HDAC4: variants seen among roughly 807,000 people sequenced by gnomAD.
HDAC4 encodes histone deacetylase 4.
Under a neutral mutation model 135.1 loss-of-function variants are expected in HDAC4, and 16 were observed. That is an observed-to-expected ratio of 0.12 (90% confidence interval 0.08 to 0.18). HDAC4 has a LOEUF of 0.18. HDAC4 is among the 10% of genes least tolerant of loss of function. The pLI, the probability that HDAC4 is intolerant of heterozygous loss-of-function variation, is 1.00. For missense variants in HDAC4, 1,143 were observed against 1,511.8 expected (o/e 0.76, Z 4.05); for synonymous variants, 685 against 653.4 (o/e 1.05, Z -0.74).
In HDAC4 at chr2:239,127,046, G is replaced by A. The variant is rs541721227; in HGVS notation, c.1295-352C>T. Reference sequence around the variant, plus strand: ...GGGGGCCACAGGCCCTAGAAAAGTGGGTTTTGGTCTGAACAGCACGGTGGG... The same window carrying A: ...GGGGGCCACAGGCCCTAGAAAAGTGAGTTTTGGTCTGAACAGCACGGTGGG... On this transcript the variant is annotated intron_variant, in intron 11 of 26. Transcript: ENST00000543185. Among the ~76,000 whole-genome samples, 19 of 152,114 alleles carry A rather than the reference G, an allele frequency of 1.2e-4. No homozygotes were observed. The East Asian group carries it at 2.9e-3, about 23-fold the overall frequency.
chr2:239,149,538 G>A (rs1023588469), intron 7 of HDAC4, among the ~76,000 whole-genome samples: 4 of 152,086 alleles, frequency 2.6e-5, no homozygotes, highest in East Asian at 1.9e-4. Context: ...ACAGGTGAAC[G>A]CACTGCCGCT....
At chr2:239,231,807 C>T (rs13411581) in intron 3 of HDAC4, among the ~76,000 whole-genome samples, 10 of 60,220 alleles carry the variant, frequency 1.7e-4, no homozygotes, top group Admixed American at 1.4e-3. Context: ...TCAACCGAGG[C>T]TGCTGAGCAC....
chr2:239,141,836 G>A lies in HDAC4; in HGVS notation c.866-2040C>T, dbSNP rs1291214327. The stretch of plus-strand genomic sequence containing the variant: ...ACTTTCCACCCACTTTTAACTCAAC[G>A]AGGTTAATTTTATTTTTTTGCATTC... On this transcript the variant is annotated intron_variant, in intron 8 of 26. Coordinates refer to ENST00000543185, the MANE Select transcript of HDAC4 (RefSeq NM_001378414.1). The surrounding 1 kb of genome is among the most constrained non-coding windows in gnomAD (Gnocchi z 4.9). Among the ~76,000 whole-genome samples the A allele has an allele frequency of 6.6e-6, 1 of 152,176 alleles. No individual in the cohort carries two copies. Among genetic ancestry groups the A allele is most frequent in the African/African-American group, 2.4e-5 (1 of 41,456 alleles).
At chr2:239,236,103 C>G (rs576113601) in intron 3 of HDAC4, among the ~76,000 whole-genome samples, 8 of 152,192 alleles carry the variant, frequency 5.3e-5, no homozygotes, top group Non-Finnish European at 5.9e-5. Flanking sequence ...TGATCACCAC[C>G]GATACTTTTT....
intron 1 of HDAC4, among the ~76,000 whole-genome samples, chr2:239,383,488 CG>C (rs1479256607): frequency 3.3e-5 from 5 of 152,182 alleles, no homozygotes; most frequent in Non-Finnish European, 7.3e-5. Context: ...AGCACTCAGC[CG>C]GAACAGGTGC....
chr2:239,368,855 A>C (rs1694403949), intron 1 of HDAC4, among the ~76,000 whole-genome samples: 1 of 151,854 alleles, frequency 6.6e-6, no homozygotes, highest in Non-Finnish European at 1.5e-5. Context: ...TTCCTCCCCA[A>C]CTCTACTCAA....
At chr2:239,370,715 G>A (rs543170833) in intron 1 of HDAC4, among the ~76,000 whole-genome samples, 53 of 152,344 alleles carry the variant, frequency 3.5e-4, no homozygotes, top group Admixed American at 2.4e-3. Flanking sequence ...GCAGCCCTGC[G>A]GCGCCTGGAG....
intron 5 of HDAC4, among the ~76,000 whole-genome samples, chr2:239,175,166 T>C (rs888241768): frequency 6.6e-6 from 1 of 152,312 alleles, no homozygotes. Context: ...ACTCGGAGTG[T>C]CTATGAAAGT....
intron 7 of HDAC4, among the ~76,000 whole-genome samples, chr2:239,153,785 GTTGGAGAC>G (rs2042257741): frequency 1.3e-5 from 2 of 152,240 alleles, no homozygotes; most frequent in South Asian, 4.1e-4. Flanking sequence ...AGTAGAAGGT[GTTGGAGAC>G]TTTGCTTCCA....
chr2:239,158,926 GCACATCA>G (rs1002802828), intron 6 of HDAC4, among the ~76,000 whole-genome samples: 2 of 151,784 alleles, frequency 1.3e-5, no homozygotes, highest in African/African-American at 4.8e-5. Flanking sequence ...ACTCACATCC[GCACATCA>G]CACAACTGGT....
chr2:239,081,005 G>T, intron 22 of HDAC4, 90 bp downstream of exon 22: 1 of 1,001,884 alleles, frequency 1.0e-6, no homozygotes. Flanking sequence ...ACCAGTTTCA[G>T]ACACGCTCAT....
At chr2:239,074,115 G>A (rs950789840) in intron 22 of HDAC4, among the ~76,000 whole-genome samples, 15 of 151,842 alleles carry the variant, frequency 9.9e-5, no homozygotes, top group Non-Finnish European at 1.5e-4. Context: ...TGAGGGGGCC[G>A]CCCTCTGCTT....
In HDAC4 at chr2:239,148,509, A is replaced by T. The variant is rs910633956; in HGVS notation, c.734-3795T>A. Among the ~76,000 whole-genome samples the T allele has an allele frequency of 5.3e-5, 8 of 152,164 alleles. No homozygotes were observed. In the East Asian group the frequency reaches 1.5e-3, roughly 29 times the overall value. ...CCCAAACTGCTTCAGAGCTCTGGGG[A>T]CAAAGGCTCGGCCTTGAGAACAGTT... On this transcript the variant is annotated intron_variant, in intron 7 of 26. Transcript: ENST00000543185.
At chr2:239,140,106 C>T (rs1368509306) in intron 8 of HDAC4, among the ~76,000 whole-genome samples, 1 of 152,204 alleles carries the variant, frequency 6.6e-6, no homozygotes. Context: ...AGTGACCTAA[C>T]AACAGAAGAC....
At chr2:239,108,205 A>G in intron 14 of HDAC4, 22 bp from the exon 15 acceptor site, 1 of 1,586,602 alleles carries the variant, frequency 6.3e-7, no homozygotes, top group Non-Finnish European at 8.6e-7. Flanking sequence ...CAGAGGGGCC[A>G]AGATCAGCGC....
At chr2:239,280,967 T>TCCAC (rs1474415622) in intron 2 of HDAC4, among the ~76,000 whole-genome samples, 3 of 108,948 alleles carry the variant, frequency 2.8e-5, no homozygotes, top group African/African-American at 3.6e-5. Flanking sequence ...CACACCACTC[T>TCCAC]ACAATGAACA....
At chr2:239,070,732 A>T (rs771481777) in intron 22 of HDAC4, among the ~76,000 whole-genome samples, 13 of 152,228 alleles carry the variant, frequency 8.5e-5, no homozygotes, top group Admixed American at 3.9e-4. Context: ...AGGACGGTGG[A>T]ACAGAAGTGG....
chr2:239,285,343 T>C lies in HDAC4; in HGVS notation c.23-48679A>G, dbSNP rs1041662474. 6.6e-6 allele frequency among the ~76,000 whole-genome samples: 1 copy of C among 152,098 alleles called. No individual in the cohort carries two copies. The highest frequency in any genetic ancestry group is 2.4e-5 in the African/African-American group (1 of 41,428). ...CCCCCAAGTTCGCGGCTGTGCAGCG[T>C]GGCCAGAATGCTGAGCCGGTGCTCT... On this transcript the variant is annotated intron_variant, in intron 2 of 26. Transcript: ENST00000543185. The surrounding 1 kb of genome is among the most constrained non-coding windows in gnomAD (Gnocchi z 4.5).
At chr2:239,162,181 C>T (rs1437593919) in intron 6 of HDAC4, 1 of 456,826 alleles carries the variant, frequency 2.2e-6, no homozygotes, top group Admixed American at 2.3e-5. Flanking sequence ...CTCTGTGCTC[C>T]TCTTCAGAAA....
Sources: allele counts gnomAD v4.1 joint callset (sites outside exome capture counted in the v4.1 genomes callset), GRCh38; gene constraint gnomAD v4.1.1; non-coding constraint Gnocchi (gnomAD v3.1); transcripts MANE v1.5; gene names NCBI Gene and HGNC (gene_info 2026-07-23, HGNC 2026-07-21).